Variants in PRKN observed in about 807,000 individuals in gnomAD.
PRKN encodes E3 ubiquitin-protein ligase parkin.
In PRKN, 56 loss-of-function variants were observed where a neutral mutation model predicts 59.5. The observed-to-expected ratio is 0.94, with a 90% confidence interval of 0.76 to 1.18. The LOEUF (loss-of-function observed/expected upper bound fraction) is 1.18. PRKN is among the 50% of genes most tolerant of loss of function. The pLI is 0.00. For synonymous variants in PRKN, 250 were observed against 222.1 expected (o/e 1.13, Z -1.12); for missense variants, 657 against 596.4 (o/e 1.10, Z -1.06).
rs145793104 is a variant in PRKN, at chr6:161,596,258, G to T, written c.872-26842C>A. On this transcript the variant is annotated intron_variant, in intron 7 of 11. Transcript: ENST00000366898. Reference sequence around the variant, plus strand: ...GACCAAGGTGCTCTTTCCCTAAAGAGAAGGCAGAACAAGAGGAGAGAAACA... The same window carrying T: ...GACCAAGGTGCTCTTTCCCTAAAGATAAGGCAGAACAAGAGGAGAGAAACA... 9.5e-4 allele frequency among the ~76,000 whole-genome samples: 144 copies of T among 152,162 alleles called. 1 individual carries two copies. Among genetic ancestry groups the T allele is most frequent in the Middle Eastern group, 3.4e-3 (1 of 294 alleles).
chr6:161,762,043 T>C (rs975550864), intron 7 of PRKN, among the ~76,000 whole-genome samples: 1 of 152,074 alleles, frequency 6.6e-6, no homozygotes, highest in Non-Finnish European at 1.5e-5. Flanking sequence ...CCAGTTGGCA[T>C]AGACGGGACA....
intron 3 of PRKN, among the ~76,000 whole-genome samples, chr6:162,255,093 A>AAAATG (rs1779590382): frequency 7.0e-6 from 1 of 143,162 alleles, no homozygotes; most frequent in Non-Finnish European, 1.6e-5. Context: ...AAAATAAAAT[A>AAAATG]AAATAAAATA....
At chr6:161,655,031 G>T (rs534139251) in intron 7 of PRKN, among the ~76,000 whole-genome samples, 1 of 152,212 alleles carries the variant, frequency 6.6e-6, no homozygotes, top group Non-Finnish European at 1.5e-5. Flanking sequence ...TGTCAGCATG[G>T]GCCCAGTCCC....
intron 2 of PRKN, among the ~76,000 whole-genome samples, chr6:162,286,713 AG>A (rs1399248943): frequency 6.6e-6 from 1 of 152,172 alleles, no homozygotes; most frequent in Non-Finnish European, 1.5e-5. Context: ...CCTAGCAGTG[AG>A]GGTTGTTTTC....
At chr6:162,451,612 GAACT>G (rs1790632131) in intron 1 of PRKN, among the ~76,000 whole-genome samples, 1 of 151,586 alleles carries the variant, frequency 6.6e-6, no homozygotes, top group Admixed American at 6.6e-5. Context: ...AGAAATTCTA[GAACT>G]AAAACTACAA....
At chr6:162,170,275 T>C (rs9365380) in intron 4 of PRKN, among the ~76,000 whole-genome samples, 65,113 of 152,090 alleles carry the variant, frequency 0.43, 16,799 homozygotes, top group Non-Finnish European at 0.58. Flanking sequence ...AATTCACACA[T>C]CAACGTTTTA....
Position 161,475,908 on chromosome 6 carries a change from T to C in PRKN, c.1083+72946A>G, listed in dbSNP as rs944722222. ...TTTAAAAATATTATTCAAGATAGGCTGGTCGCGGTGGCTCACGCCTGTAAT... is the reference window on the plus strand; with the variant it reads ...TTTAAAAATATTATTCAAGATAGGCCGGTCGCGGTGGCTCACGCCTGTAAT... On this transcript the variant is annotated intron_variant, in intron 9 of 11. Transcript: ENST00000366898. The surrounding 1 kb of genome is among the most constrained non-coding windows in gnomAD (Gnocchi z 5.3). Among the ~76,000 whole-genome samples the C allele has an allele frequency of 2.0e-5, 3 of 152,110 alleles. No individual in the cohort carries two copies. The South Asian group carries it at 6.2e-4, about 32-fold the overall frequency.
chr6:162,454,233 C>T (rs1358074727), intron 1 of PRKN, among the ~76,000 whole-genome samples: 1 of 152,164 alleles, frequency 6.6e-6, no homozygotes, highest in East Asian at 1.9e-4. Context: ...TCAGTTGTGC[C>T]ATATTAATGT....
At position 161,379,895 on chromosome 6, in the gene PRKN, CCTA is replaced by C. The variant is rs1415574749; in HGVS notation, c.1167+6896_1167+6898del. Among the ~76,000 whole-genome samples the C allele has an allele frequency of 1.3e-4, 20 of 152,326 alleles. No homozygotes were observed. In the East Asian group the frequency reaches 3.7e-3, roughly 28 times the overall value. On this transcript the variant is annotated intron_variant, in intron 10 of 11. Transcript: ENST00000366898. The surrounding 1 kb of genome is among the most constrained non-coding windows in gnomAD (Gnocchi z 4.9). ...TGGAAAACATGTACTATTACAATTC[CCTA>C]CTAAGTGTTTTTCATATTACAGCCA...
intron 7 of PRKN, among the ~76,000 whole-genome samples, chr6:161,570,925 A>G (rs1042312239): frequency 3.9e-5 from 6 of 152,048 alleles, no homozygotes; most frequent in Admixed American, 6.6e-5. Context: ...ATTCCTCGAT[A>G]TTAGGTTGTA....
rs151029927 is a variant in PRKN, at chr6:162,005,904, T to C, written c.619-32487A>G. On this transcript the variant is annotated intron_variant, in intron 5 of 11. Transcript: ENST00000366898. ...TCCTATAATCTGAGTCCAACACTTG[T>C]AGAATTTTATAGCCATTTGTGAATT... is the stretch of plus-strand genomic sequence containing the variant. Among the ~76,000 whole-genome samples, 36 of 152,272 alleles carry C rather than the reference T, an allele frequency of 2.4e-4. No homozygotes were observed. In the East Asian group the frequency reaches 6.6e-3, roughly 28 times the overall value.
intron 1 of PRKN, among the ~76,000 whole-genome samples, chr6:162,519,223 G>A (rs541755390): frequency 2.0e-5 from 3 of 152,146 alleles, no homozygotes; most frequent in Admixed American, 6.6e-5. Context: ...CAGTATTTAC[G>A]AAGTGACTCA....
At chr6:162,458,423 T>A (rs1284016099) in intron 1 of PRKN, among the ~76,000 whole-genome samples, 2 of 142,796 alleles carry the variant, frequency 1.4e-5, no homozygotes, top group African/African-American at 5.2e-5. Flanking sequence ...CGAGACTCCA[T>A]CTCAAAAAAA....
intron 3 of PRKN, among the ~76,000 whole-genome samples, chr6:162,257,959 G>A (rs1053024168): frequency 6.6e-6 from 1 of 152,066 alleles, no homozygotes; most frequent in Non-Finnish European, 1.5e-5. Flanking sequence ...CCCTTTTTCT[G>A]ACATCCTCTT....
intron 7 of PRKN, among the ~76,000 whole-genome samples, chr6:161,612,037 C>T (rs1782506806): frequency 6.6e-6 from 1 of 152,208 alleles, no homozygotes; most frequent in African/African-American, 2.4e-5. Context: ...GAGCAAGGCC[C>T]TCTCTTCAAT....
chr6:161,647,981 C>A (rs1345223437), intron 7 of PRKN, among the ~76,000 whole-genome samples: 1 of 152,194 alleles, frequency 6.6e-6, no homozygotes, highest in African/African-American at 2.4e-5. Flanking sequence ...GGTTTTATGG[C>A]TATAGCATTG....
At chr6:162,352,752 GCAT>G (rs1301764754) in intron 2 of PRKN, among the ~76,000 whole-genome samples, 3 of 152,096 alleles carry the variant, frequency 2.0e-5, no homozygotes, top group African/African-American at 7.2e-5. Context: ...AGTAATGGAA[GCAT>G]CGAGAAAGGA....
At chr6:162,487,373 G>C (rs1412986861) in intron 1 of PRKN, among the ~76,000 whole-genome samples, 1 of 152,200 alleles carries the variant, frequency 6.6e-6, no homozygotes, top group Non-Finnish European at 1.5e-5. Flanking sequence ...GGAAGGCCAA[G>C]TGACTGGTTT....
At chr6:161,619,566 C>T (rs1162072879) in intron 7 of PRKN, among the ~76,000 whole-genome samples, 1 of 152,166 alleles carries the variant, frequency 6.6e-6, no homozygotes, top group Non-Finnish European at 1.5e-5. Context: ...TTAAATCTCA[C>T]AGTGACCCTG....
Sources: gnomAD v4.1 joint callset for allele counts (sites outside exome capture counted in the v4.1 genomes callset) on GRCh38, gnomAD v4.1.1 for gene constraint, Gnocchi (gnomAD v3.1) non-coding constraint, MANE v1.5 for transcripts, NCBI Gene and HGNC (gene_info 2026-07-23, HGNC 2026-07-21) for gene names.